Variants in PRPF18 observed in about 807,000 individuals in gnomAD.
PRPF18 encodes the protein pre-mRNA-splicing factor 18.
PRPF18 carries 38 observed loss-of-function variants against 46.5 expected under a neutral mutation model. The observed-to-expected ratio is 0.82, with a 90% confidence interval of 0.63 to 1.07. PRPF18 has a LOEUF of 1.07. PRPF18 is among the 50% of genes least tolerant of loss of function. PRPF18 has a pLI of 0.00. For missense variants in PRPF18, 263 were observed against 410.0 expected, an observed-to-expected ratio of 0.64 and a Z score of 3.10; for synonymous variants, 152 against 146.7, an observed-to-expected ratio of 1.04 and a Z score of -0.26.
the PRPF18 span, chr10:13,654,891 G>T: frequency 4.5e-6 from 1 of 224,130 alleles, no homozygotes; most frequent in African/African-American, 2.3e-5. Context: ...GACCTGAGCA[G>T]GGCTCATACA....
At chr10:13,618,206 A>C (rs990138770) in intron 9 of PRPF18, among the ~76,000 whole-genome samples, 3 of 152,172 alleles carry the variant, frequency 2.0e-5, no homozygotes, top group Non-Finnish European at 4.4e-5. Context: ...GCTATTCTAG[A>C]AGTTCTTGAC....
intron 1 of PRPF18, among the ~76,000 whole-genome samples, chr10:13,594,674 T>C (rs1373758863): frequency 6.6e-6 from 1 of 152,240 alleles, no homozygotes; most frequent in African/African-American, 2.4e-5. Flanking sequence ...ACTGATTTCA[T>C]TGGAAAAGGC....
chr10:13,617,719 C>T (rs985718437), intron 9 of PRPF18, among the ~76,000 whole-genome samples: 2 of 152,084 alleles, frequency 1.3e-5, no homozygotes, highest in Non-Finnish European at 2.9e-5. Context: ...TTCACCTCCC[C>T]GAGGAGTGAT....
At chr10:13,623,484 A>T (rs1194753493) in intron 9 of PRPF18, among the ~76,000 whole-genome samples, 2 of 152,166 alleles carry the variant, frequency 1.3e-5, no homozygotes, top group Non-Finnish European at 2.9e-5. Context: ...TTTATTCTTC[A>T]CGTTCTTAGG....
At chr10:13,603,242 G>A (rs1054668214) in intron 3 of PRPF18, among the ~76,000 whole-genome samples, 1 of 151,972 alleles carries the variant, frequency 6.6e-6, no homozygotes, top group African/African-American at 2.4e-5. Flanking sequence ...GGACTCAGAG[G>A]CTTAAGTTCT....
intron 1 of PRPF18, among the ~76,000 whole-genome samples, chr10:13,590,814 C>A (rs548081036): frequency 7.2e-5 from 11 of 152,042 alleles, no homozygotes; most frequent in Middle Eastern, 3.2e-3. Context: ...TGGATTTGAA[C>A]CCTGGTCTGT....
intron 1 of PRPF18, among the ~76,000 whole-genome samples, chr10:13,590,760 A>G (rs368970280): frequency 2.0e-5 from 3 of 152,176 alleles, no homozygotes; most frequent in African/African-American, 7.2e-5. Context: ...AGCTAAGAGA[A>G]GTTACATGAC....
Position 13,613,789 on chromosome 10 carries a change from G to T in PRPF18, c.628G>T (p.Val210Leu). ...AKELNAREDY[V>L]KRSVQGKLNS... ...AGAATTGAATGCCAGAGAAGATTAT[G>T]TGAAACGCAGTGTGCAGGGTAAACT... is the stretch of plus-strand genomic sequence containing the variant. The change falls in exon 7 of 10, where the codon GTG (valine) becomes TTG (leucine). Residue 210 changes from valine (V) to leucine (L), a missense_variant. This residue lies in a region of PRPF18 where 155 missense variants were observed against 245.1 expected (regional missense o/e 0.63). Transcript: ENST00000378572. 6.2e-7 allele frequency: 1 copy of T among 1,614,042 alleles called. No individual in the cohort carries two copies. The highest frequency in any genetic ancestry group is 2.2e-5 in the East Asian group (1 of 44,880).
At chr10:13,637,584 T>G in the PRPF18 span, among the ~76,000 whole-genome samples, 1 of 152,248 alleles carries the variant, frequency 6.6e-6, no homozygotes, top group African/African-American at 2.4e-5. Flanking sequence ...GCTAGATATC[T>G]GTATTGCAAA....
At chr10:13,597,693 T>C (rs1216252911) in intron 2 of PRPF18, 158 bp downstream of exon 2, 1 of 1,585,218 alleles carries the variant, frequency 6.3e-7, no homozygotes, top group Non-Finnish European at 8.6e-7. Context: ...TGTTTTTGCA[T>C]TTTTAAAAAA....
At chr10:13,628,037 A>G (rs2080535000) in intron 9 of PRPF18, among the ~76,000 whole-genome samples, 1 of 152,226 alleles carries the variant, frequency 6.6e-6, no homozygotes, top group Non-Finnish European at 1.5e-5. Flanking sequence ...AAAGTTCTGC[A>G]TACACATGAT....
At position 13,613,733 on chromosome 10, in the gene PRPF18, T is replaced by C; in HGVS notation, c.580-8T>C. Reference sequence around the variant, plus strand: ...ATTGTAGTCTAAGTTTACCCATCCTTTCAACAGTTTCTTCTTGGCGTTTGG... The same window carrying C: ...ATTGTAGTCTAAGTTTACCCATCCTCTCAACAGTTTCTTCTTGGCGTTTGG... On this transcript the variant is annotated splice_region_variant and splice_polypyrimidine_tract_variant and intron_variant, in intron 6 of 9. Coordinates refer to ENST00000378572, the MANE Select transcript of PRPF18 (RefSeq NM_003675.4). 6.2e-7 allele frequency: 1 copy of C among 1,610,378 alleles called. No individual in the cohort carries two copies. Among genetic ancestry groups the C allele is most frequent in the Non-Finnish European group, 8.5e-7 (1 of 1,179,016 alleles).
At position 13,620,655 on chromosome 10, in the gene PRPF18, T is replaced by A. The variant is rs2080408508; in HGVS notation, c.948+4102T>A. 2.0e-5 allele frequency among the ~76,000 whole-genome samples: 3 copies of A among 152,362 alleles called. No homozygotes were observed. In the South Asian group the frequency reaches 6.2e-4, roughly 32 times the overall value. ...ATTATTGGTTAGTTTTGCCTGTTCT[T>A]GAGCATCATGTAAATGGAAACTTGT... On this transcript the variant is annotated intron_variant, in intron 9 of 9. Coordinates refer to ENST00000378572, the MANE Select transcript of PRPF18 (RefSeq NM_003675.4).
chr10:13,604,070 G>C (rs1157888596), intron 3 of PRPF18, among the ~76,000 whole-genome samples: 1 of 152,164 alleles, frequency 6.6e-6, no homozygotes. Context: ...AATGGGATGG[G>C]ATGTTTCACG....
chr10:13,639,222 G>T, the PRPF18 span: 2 of 152,322 alleles, frequency 1.3e-5, no homozygotes, highest in African/African-American at 4.8e-5. Flanking sequence ...CCAGGTACTG[G>T]AGCAGATGCC....
chr10:13,601,951 A>T lies in PRPF18; in HGVS notation c.249+1603A>T, dbSNP rs148807656. Among the ~76,000 whole-genome samples the T allele has an allele frequency of 2.8e-3, 419 of 152,318 alleles. 4 individuals carry two copies. Among genetic ancestry groups the T allele is most frequent in the Middle Eastern group, 0.01 (3 of 294 alleles). ...ATGCAGTGCTAAGGTGAACTTCCTT[A>T]TACATATGTCTTGATATTCGTATGA... On this transcript the variant is annotated intron_variant, in intron 3 of 9. Coordinates refer to ENST00000378572, the MANE Select transcript of PRPF18 (RefSeq NM_003675.4).
intron 8 of PRPF18, among the ~76,000 whole-genome samples, chr10:13,615,331 T>C (rs1212259566): frequency 6.6e-6 from 1 of 152,246 alleles, no homozygotes; most frequent in Non-Finnish European, 1.5e-5. Context: ...GAAGCTTTAA[T>C]AACCTGTTTA....
intron 3 of PRPF18, among the ~76,000 whole-genome samples, chr10:13,601,377 A>C (rs2080106908): frequency 6.6e-6 from 1 of 152,212 alleles, no homozygotes; most frequent in Non-Finnish European, 1.5e-5. Flanking sequence ...CTATTATTTT[A>C]CTTAAAAGAA....
chr10:13,609,557 G>A (rs1317894190), intron 4 of PRPF18, among the ~76,000 whole-genome samples: 7 of 152,158 alleles, frequency 4.6e-5, no homozygotes, highest in African/African-American at 1.4e-4. Context: ...ATGCGAATTT[G>A]CTGGTTTGCT....
Sources: allele counts gnomAD v4.1 joint callset (sites outside exome capture counted in the v4.1 genomes callset), GRCh38; gene constraint gnomAD v4.1.1; regional missense constraint gnomAD v4.1.1; transcripts MANE v1.5; gene names NCBI Gene and HGNC (gene_info 2026-07-23, HGNC 2026-07-21).